The following DNAH12 variants were observed in gnomAD, a reference collection of about 807,000 sequenced individuals.
DNAH12 encodes the protein dynein axonemal heavy chain 12, also known as axonemal beta dynein heavy chain 12.
In DNAH12, 285 loss-of-function variants were observed where a neutral mutation model predicts 371.5. That is an observed-to-expected ratio of 0.77 (90% CI 0.70 to 0.85). The LOEUF (loss-of-function observed/expected upper bound fraction) is 0.85. DNAH12 is among the 40% of genes least tolerant of loss of function. DNAH12 has a pLI of 0.00. For synonymous variants in DNAH12, 1,200 were observed against 1,213.0 expected, an observed-to-expected ratio of 0.99 and a Z score of 0.22; for missense variants, 3,611 against 3,689.4, an observed-to-expected ratio of 0.98 and a Z score of 0.55.
chr3:57,521,300 A>G (rs1397745731), intron 4 of DNAH12, among the ~76,000 whole-genome samples: 4 of 151,552 alleles, frequency 2.6e-5, no homozygotes, highest in Non-Finnish European at 5.9e-5. Context: ...TTTTTATTTT[A>G]TGGATATCCA....
At chr3:57,378,202 T>C (rs1443176309) in intron 52 of DNAH12, among the ~76,000 whole-genome samples, 3 of 152,042 alleles carry the variant, frequency 2.0e-5, no homozygotes, top group African/African-American at 4.8e-5. Context: ...TGTGGAGTTA[T>C]AGAGTGGGAA....
At chr3:57,457,341 T>A (rs991256695) in intron 22 of DNAH12, among the ~76,000 whole-genome samples, 2 of 151,276 alleles carry the variant, frequency 1.3e-5, no homozygotes, top group Non-Finnish European at 2.9e-5. Flanking sequence ...AAATCCCCAG[T>A]TCTCTCTGAT....
In DNAH12 at chr3:57,406,042, T is replaced by G. The variant is rs1240418175; in HGVS notation, c.6277-90A>C. 3 of 1,332,580 alleles carry G rather than the reference T, an allele frequency of 2.3e-6. No homozygotes were observed. The African/African-American group carries it at 4.5e-5, about 20-fold the overall frequency. The allele number at this position is 1,332,580 out of a possible 1,614,324, so 82.5% of individuals were successfully genotyped here. On this transcript the variant is annotated intron_variant, in intron 40 of 73. Coordinates refer to ENST00000495027, the MANE Select transcript of DNAH12 (RefSeq NM_001366028.2). ...GTGGAATGTTATACAAAATATTTTA[T>G]TTACTCTGTCAGATTATATGGGCTT...
rs1378094869 is a variant in DNAH12, at chr3:57,407,280, A to AG, written c.6276+999dup. 1.7e-3 allele frequency among the ~76,000 whole-genome samples: 132 copies of AG among 75,778 alleles called. 1 individual carries two copies. The East Asian group carries it at 0.029, about 17-fold the overall frequency. The allele number at this position is 75,778 out of a possible 152,430, so 49.7% of individuals were successfully genotyped here. A position where few individuals can be genotyped will look rare whatever the true frequency, so the allele number is the denominator to read the frequency against. ...GGTAGGTCTATAATGCTTCAAAGAC[A>AG]GAAAAAAAAAAAAAAAAGCCGGGGG... On this transcript the variant is annotated intron_variant, in intron 40 of 73. Coordinates refer to ENST00000495027, the MANE Select transcript of DNAH12 (RefSeq NM_001366028.2).
At chr3:57,300,030 C>G (rs2061313956) in intron 70 of DNAH12, among the ~76,000 whole-genome samples, 1 of 152,132 alleles carries the variant, frequency 6.6e-6, no homozygotes, top group African/African-American at 2.4e-5. Context: ...CCTTGCTGTG[C>G]CTGTAGCCCG....
In DNAH12 at chr3:57,429,691, G is replaced by T; in HGVS notation, c.5064C>A (p.Ser1688=). 1 of 1,529,738 alleles carries T rather than the reference G, an allele frequency of 6.5e-7. No individual in the cohort carries two copies. Among genetic ancestry groups the T allele is most frequent in the Non-Finnish European group, 8.8e-7 (1 of 1,140,156 alleles). The allele number at this position is 1,529,738 out of a possible 1,614,324, so 94.8% of individuals were successfully genotyped here. ...CCATTGTATTAAATTATGAACTTAC[G>T]GATGCCTGGGAAAGGTCCATTGTTT... ...IFETMDLSQA[S]PATVSRCGMI... is the part of the protein sequence containing the mutation. Residue 1688 remains serine, a splice_region_variant and synonymous_variant, in exon 33 of 74, where the codon TCC becomes TCA. Transcript: ENST00000495027.
chr3:57,323,887 A>G (rs775096121), intron 62 of DNAH12, among the ~76,000 whole-genome samples: 11 of 152,190 alleles, frequency 7.2e-5, no homozygotes, highest in African/African-American at 1.4e-4. Flanking sequence ...GGGATGCTCA[A>G]TGTCACTCAT....
rs868369896 is a variant in DNAH12 at position 57,424,027 on chromosome 3, C to T, written c.5373+995G>A. On this transcript the variant is annotated intron_variant, in intron 35 of 73. Coordinates refer to ENST00000495027, the MANE Select transcript of DNAH12 (RefSeq NM_001366028.2). ...GTTTTGGGATTACAGGCATGAGCCA[C>T]GGCACCCAGCCTACTCCTGGTCTTT... is the stretch of plus-strand genomic sequence containing the variant. 3.3e-5 allele frequency among the ~76,000 whole-genome samples: 5 copies of T among 152,078 alleles called. No individual in the cohort carries two copies. In the South Asian group the frequency reaches 6.2e-4, roughly 19 times the overall value.
chr3:57,523,183 G>C (rs893095464), intron 4 of DNAH12, among the ~76,000 whole-genome samples: 1 of 151,994 alleles, frequency 6.6e-6, no homozygotes, highest in African/African-American at 2.4e-5. Context: ...AGGAGTTCAA[G>C]ACCAGCCTGG....
At position 57,323,007 on chromosome 3, in the gene DNAH12, T is replaced by C; in HGVS notation, c.10383A>G (p.Lys3461=). The C allele has an allele frequency of 6.4e-7, 1 of 1,551,730 alleles. No individual in the cohort carries two copies. The highest frequency in any genetic ancestry group is 8.7e-7 in the Non-Finnish European group (1 of 1,146,988). ...TAACTCTATAAGGAAATAAACATAC[T>C]TTTGAAGATGGATAGCTTGTCAGCC... The part of the protein sequence containing the change: ...RLWLTSYPSS[K]FPVTILQNGV... Residue 3461 remains lysine, a splice_region_variant and synonymous_variant, in exon 64 of 74, where the codon AAA becomes AAG. Coordinates refer to ENST00000495027, the MANE Select transcript of DNAH12 (RefSeq NM_001366028.2).
intron 60 of DNAH12, among the ~76,000 whole-genome samples, chr3:57,337,419 G>A (rs1185054687): frequency 6.6e-6 from 1 of 152,174 alleles, no homozygotes; most frequent in African/African-American, 2.4e-5. Context: ...CAGCACTTTG[G>A]GAGGCCAAGG....
chr3:57,500,165 CT>C (rs1437550905), intron 11 of DNAH12, among the ~76,000 whole-genome samples: 21 of 151,168 alleles, frequency 1.4e-4, no homozygotes, highest in African/African-American at 3.9e-4. Flanking sequence ...TCAGCCCCCC[CT>C]AGTAGCTGGG....
intron 57 of DNAH12, among the ~76,000 whole-genome samples, chr3:57,365,223 T>C (rs2063023193): frequency 6.6e-6 from 1 of 152,138 alleles, no homozygotes; most frequent in Non-Finnish European, 1.5e-5. Context: ...GTCCATCAAC[T>C]ATAGACTGGA....
At chr3:57,521,779 CA>C (rs1312598533) in intron 4 of DNAH12, among the ~76,000 whole-genome samples, 1 of 151,880 alleles carries the variant, frequency 6.6e-6, no homozygotes, top group Non-Finnish European at 1.5e-5. Context: ...CTTAGCTACT[CA>C]GGAGGCTGAG....
At chr3:57,551,912 G>T in the DNAH12 span, among the ~76,000 whole-genome samples, 1 of 148,460 alleles carries the variant, frequency 6.7e-6, no homozygotes, top group African/African-American at 2.5e-5. Context: ...TTTTCACTTA[G>T]AAATAACTCA....
At chr3:57,442,573 C>T (rs1255815105) in intron 29 of DNAH12, among the ~76,000 whole-genome samples, 1 of 151,982 alleles carries the variant, frequency 6.6e-6, no homozygotes, top group African/African-American at 2.4e-5. Flanking sequence ...TTTTTGAAAT[C>T]CAAAAGAAGT....
At chr3:57,310,625 G>A in intron 67 of DNAH12, 92 bp downstream of exon 67, 1 of 859,192 alleles carries the variant, frequency 1.2e-6, no homozygotes, top group Non-Finnish European at 1.8e-6. Context: ...CATAATATTT[G>A]TCTAAACCTA....
Position 57,309,771 on chromosome 3 carries a change from G to T in DNAH12, c.10980C>A (p.Thr3660=). 5.8e-6 allele frequency: 9 copies of T among 1,551,300 alleles called. No individual in the cohort carries two copies. Among genetic ancestry groups the T allele is most frequent in the Non-Finnish European group, 7.8e-6 (9 of 1,146,840 alleles). ...GGGTGAGGAGCAAGGACTCAAAGAGGGTTTTTGTTTGTTGAAGATCCTTGG... is the reference window on the plus strand; with the variant it reads ...GGGTGAGGAGCAAGGACTCAAAGAGTGTTTTTGTTTGTTGAAGATCCTTGG... The part of the protein sequence containing the change: ...DISKDLQQTK[T]LFESLLLTQG... Residue 3660 remains threonine, a synonymous_variant, in exon 68 of 74, where the codon ACC becomes ACA. Transcript: ENST00000495027.
At chr3:57,421,063 T>C (rs1308051660) in intron 36 of DNAH12, among the ~76,000 whole-genome samples, 1 of 148,670 alleles carries the variant, frequency 6.7e-6, no homozygotes, top group Non-Finnish European at 1.5e-5. Context: ...TGTGTTAGCA[T>C]GGTTTTGGGG....
Sources: gnomAD v4.1 joint callset for allele counts (sites outside exome capture counted in the v4.1 genomes callset) on GRCh38, gnomAD v4.1.1 for gene constraint, MANE v1.5 for transcripts, NCBI Gene and HGNC (gene_info 2026-07-23, HGNC 2026-07-21) for gene names.